EXTL3: variants seen among roughly 807,000 people sequenced by gnomAD.
EXTL3 encodes the protein exostosin-like 3.
In EXTL3, 27 loss-of-function variants were observed where a neutral mutation model predicts 69.3. The observed-to-expected ratio is 0.39, with a 90% CI of 0.29 to 0.54. EXTL3 has a LOEUF of 0.54. Ranked by LOEUF, EXTL3 falls within the 20% of genes least tolerant of loss-of-function variation. The probability of loss-of-function intolerance (pLI) is 0.69; values close to 1 mark genes in which losing one functional copy is unlikely to be tolerated. For synonymous variants in EXTL3, 511 were observed against 499.4 expected (o/e 1.02, Z -0.31); for missense variants, 1,003 against 1,231.8 (o/e 0.81, Z 2.78).
At chr8:28,744,571 G>T (rs984117528) in intron 6 of EXTL3, among the ~76,000 whole-genome samples, 2 of 152,142 alleles carry the variant, frequency 1.3e-5, no homozygotes, top group Admixed American at 6.5e-5. Context: ...GAGGCAGGTG[G>T]ATCACAAGGT....
At chr8:28,692,618 G>T (rs1800631422) in intron 1 of EXTL3, among the ~76,000 whole-genome samples, 1 of 152,020 alleles carries the variant, frequency 6.6e-6, no homozygotes, top group Non-Finnish European at 1.5e-5. Context: ...AATTAGTTTT[G>T]GAAATTGCAC....
In EXTL3 at chr8:28,669,975, G is replaced by T. The variant is rs966211906; in HGVS notation, c.-52-43482G>T. 3.3e-5 allele frequency among the ~76,000 whole-genome samples: 5 copies of T among 152,090 alleles called. No homozygotes were observed. The South Asian group carries it at 8.3e-4, about 25-fold the overall frequency. On this transcript the variant is annotated intron_variant, in intron 1 of 6. Coordinates refer to the EXTL3 transcript ENST00000523149. ...TGTGATCTGAGCACTTTGGGAGGCT[G>T]ATACAGGTGGATCACCTGAGCCCAG...
chr8:28,729,313 A>AAAAAAAG (rs35590421), intron 3 of EXTL3, among the ~76,000 whole-genome samples: 4 of 149,344 alleles, frequency 2.7e-5, no homozygotes, highest in Non-Finnish European at 5.9e-5. Context: ...AAAAAAAAAA[A>AAAAAAAG]TGTCTGGGTG....
chr8:28,615,077 TG>T lies in EXTL3; in HGVS notation n.314+7320del, dbSNP rs1275318476. ...AATTTTCCAGCTATTTTTCTGCTAT[TG>T]ATTTCTAGTTAAATTCCATTGTGGT... On this transcript the variant is annotated intron_variant and non_coding_transcript_variant, in intron 2 of 4. Coordinates refer to the EXTL3 transcript ENST00000522725. Among the ~76,000 whole-genome samples the T allele has an allele frequency of 3.3e-5, 5 of 152,032 alleles. No homozygotes were observed. The East Asian group carries it at 9.7e-4, about 29-fold the overall frequency.
chr8:28,608,953 G>A (rs973334957), intron 2 of EXTL3, among the ~76,000 whole-genome samples: 11 of 152,088 alleles, frequency 7.2e-5, no homozygotes, highest in African/African-American at 1.9e-4. Flanking sequence ...GAGCTGCGGA[G>A]AATTAAAATA....
At chr8:28,628,916 A>G (rs773102396) in intron 1 of EXTL3, among the ~76,000 whole-genome samples, 39 of 152,212 alleles carry the variant, frequency 2.6e-4, no homozygotes, top group Non-Finnish European at 5.0e-4. Flanking sequence ...AGGAAATGCA[A>G]CCAGGAAGAT....
At chr8:28,654,304 T>A (rs965273507) in intron 1 of EXTL3, among the ~76,000 whole-genome samples, 3 of 152,214 alleles carry the variant, frequency 2.0e-5, no homozygotes, top group African/African-American at 7.2e-5. Flanking sequence ...GCTTTCAGAT[T>A]CTTAGGAGAT....
intron 1 of EXTL3, among the ~76,000 whole-genome samples, chr8:28,664,487 G>C (rs1807163984): frequency 6.6e-6 from 1 of 152,102 alleles, no homozygotes; most frequent in South Asian, 2.1e-4. Context: ...CCGGCCTCTG[G>C]GGTCTTTTTT....
intron 1 of EXTL3, 110 bp downstream of exon 1, chr8:28,701,769 C>A (rs1401932961): frequency 6.5e-6 from 1 of 152,872 alleles, no homozygotes; most frequent in Non-Finnish European, 1.5e-5. Context: ...CGGGAGGGAC[C>A]GGGTCCGCCG....
intron 1 of EXTL3, among the ~76,000 whole-genome samples, chr8:28,660,338 C>T (rs1175038355): frequency 1.3e-5 from 2 of 150,692 alleles, no homozygotes; most frequent in African/African-American, 2.4e-5. Flanking sequence ...CACTCCAGCC[C>T]GGGCGACAGA....
chr8:28,738,640 A>AGGTG (rs1801705437), intron 5 of EXTL3, among the ~76,000 whole-genome samples: 2 of 151,892 alleles, frequency 1.3e-5, no homozygotes, highest in African/African-American at 4.8e-5. Context: ...CACACAGAGC[A>AGGTG]CCTCTTCTGT....
chr8:28,724,450 G>A (rs1374464349), intron 3 of EXTL3, among the ~76,000 whole-genome samples: 2 of 151,934 alleles, frequency 1.3e-5, no homozygotes, highest in South Asian at 4.2e-4. Flanking sequence ...ATCACTTGAC[G>A]TTTATTGAAT....
At chr8:28,735,910 G>T (rs1013305976) in intron 4 of EXTL3, among the ~76,000 whole-genome samples, 10 of 152,176 alleles carry the variant, frequency 6.6e-5, no homozygotes, top group African/African-American at 2.4e-4. Context: ...AACTCAGAGG[G>T]ATAAATACTG....
chr8:28,708,335 A>G (rs900822139), intron 1 of EXTL3, among the ~76,000 whole-genome samples: 2 of 152,024 alleles, frequency 1.3e-5, no homozygotes, highest in Admixed American at 6.6e-5. Flanking sequence ...TGTGAAAAAC[A>G]TAGGGCCTTG....
intron 1 of EXTL3, among the ~76,000 whole-genome samples, chr8:28,702,950 C>T (rs1233878457): frequency 6.6e-6 from 1 of 152,130 alleles, no homozygotes; most frequent in Non-Finnish European, 1.5e-5. Context: ...ATAGTAACTG[C>T]GGGGCACAGA....
upstream of EXTL3, among the ~76,000 whole-genome samples, chr8:28,620,467 G>A (rs1806396072): frequency 6.6e-6 from 1 of 152,106 alleles, no homozygotes; most frequent in Admixed American, 6.5e-5. Flanking sequence ...TCCCATAACT[G>A]CCAACCCCTG....
rs35659799 is a variant in EXTL3, at chr8:28,614,272, CTTTTTTTTTTT to C, written n.314+6524_314+6534del. Among the ~76,000 whole-genome samples the C allele has an allele frequency of 2.0e-3, 214 of 104,864 alleles. 1 individual carries two copies. The highest frequency in any genetic ancestry group is 2.7e-3 in the Non-Finnish European group (140 of 51,912). 68.8% of individuals were successfully genotyped at this position (104,864 alleles called of 152,430 possible). ...TCTGTTTACTTTGTGGGGTTTTTTG[CTTTTTTTTTTT>C]TTTTTTTTTGGATAGGGTCTCACTC... On this transcript the variant is annotated intron_variant and non_coding_transcript_variant, in intron 2 of 4. Transcript: ENST00000522725.
chr8:28,743,076 C>T lies in EXTL3; in HGVS notation c.2422-10C>T. The T allele has an allele frequency of 6.2e-7, 1 of 1,614,026 alleles. No homozygotes were observed. Reference sequence around the variant, plus strand: ...AACAGAGCATGTGGTTCTTTTTCTTCCCCTGACAGTATTATGCCTACCTGT... The same window carrying T: ...AACAGAGCATGTGGTTCTTTTTCTTTCCCTGACAGTATTATGCCTACCTGT... On this transcript the variant is annotated splice_polypyrimidine_tract_variant and intron_variant, in intron 5 of 6. Coordinates refer to ENST00000220562, the MANE Select transcript of EXTL3 (RefSeq NM_001440.4).
At chr8:28,746,586 T>C (rs1801893214) in intron 6 of EXTL3, among the ~76,000 whole-genome samples, 1 of 152,220 alleles carries the variant, frequency 6.6e-6, no homozygotes, top group African/African-American at 2.4e-5. Context: ...GTTAATATTA[T>C]AGTTGCTTCA....
Sources: allele counts gnomAD v4.1 joint callset (sites outside exome capture counted in the v4.1 genomes callset), GRCh38; gene constraint gnomAD v4.1.1; transcripts MANE v1.5; gene names NCBI Gene and HGNC (gene_info 2026-07-23, HGNC 2026-07-21).